NOTCH1: variants seen among roughly 807,000 people sequenced by gnomAD.
The protein encoded by NOTCH1 is neurogenic locus notch homolog protein 1.
Under a neutral mutation model 254.8 loss-of-function variants are expected in NOTCH1, and 37 were observed. The ratio of observed to expected loss-of-function variants is 0.15; its 90% CI spans 0.11 to 0.19. The LOEUF is 0.19. Ranked by LOEUF, NOTCH1 falls within the 10% of genes least tolerant of loss-of-function variation. The pLI, the probability that NOTCH1 is intolerant of heterozygous loss-of-function variation, is 1.00. For missense variants in NOTCH1, 2,972 were observed against 3,708.6 expected (o/e 0.80, Z 5.16); for synonymous variants, 1,731 against 1,618.1 (o/e 1.07, Z -1.68).
At position 136,502,241 on chromosome 9, in the gene NOTCH1, G is replaced by A. The variant is rs757172217; in HGVS notation, c.5384+31C>T. On this transcript the variant is annotated intron_variant, in intron 28 of 33. Transcript: ENST00000651671. ...TCGGCCAGGTCCCACCTCCCACCGG[G>A]GACCCAGAAGCAGGGGCGGCGTCCG... 5 of 1,603,886 alleles carry A rather than the reference G, an allele frequency of 3.1e-6. No homozygotes were observed. The Admixed American group carries it at 8.4e-5, about 27-fold the overall frequency.
rs959455479 is a variant in NOTCH1, at chr9:136,545,234, G to C, written c.61+492C>G. 7.9e-5 allele frequency among the ~76,000 whole-genome samples: 12 copies of C among 152,154 alleles called. No individual in the cohort carries two copies. Among genetic ancestry groups the C allele is most frequent in the African/African-American group, 2.9e-4 (12 of 41,434 alleles). On this transcript the variant is annotated intron_variant, in intron 1 of 33. Coordinates refer to ENST00000651671, the MANE Select transcript of NOTCH1 (RefSeq NM_017617.5). This position sits in a 1 kb window ranked among gnomAD's most constrained non-coding sequence, Gnocchi z 6.8. ...CCCGGGGACCCAGCCCGGCCGCGCG[G>C]GTCAGTGAAGGCGAACGCGGCGCCG... is the stretch of plus-strand genomic sequence containing the variant.
At chr9:136,515,462 G>A in intron 11 of NOTCH1, 21 bp downstream of exon 11, 2 of 1,611,358 alleles carry the variant, frequency 1.2e-6, no homozygotes, top group African/African-American at 1.3e-5. Flanking sequence ...CCCCCCGCCG[G>A]CCACCCGCCT....
At position 136,523,802 on chromosome 9, in the gene NOTCH1, G is replaced by A. The variant is rs1171835842; in HGVS notation, c.318C>T (p.Cys106=). The part of the protein sequence containing the change: ...PLCLTPLDNA[C]LTNPCRNGGT... The stretch of plus-strand genomic sequence containing the variant: ...CCCCGTTGCGGCAGGGGTTGGTGAG[G>A]CAGGCATTGTCCAGGGGTGTCAGGC... Residue 106 remains cysteine (C), a synonymous_variant, in exon 3 of 34, where the codon TGC becomes TGT. Transcript: ENST00000651671. The A allele has an allele frequency of 6.2e-7, 1 of 1,611,788 alleles. No homozygotes were observed. The highest frequency in any genetic ancestry group is 8.5e-7 in the Non-Finnish European group (1 of 1,179,628).
At chr9:136,512,019 C>T (rs1334587004) in intron 15 of NOTCH1, among the ~76,000 whole-genome samples, 3 of 152,244 alleles carry the variant, frequency 2.0e-5, no homozygotes, top group Non-Finnish European at 4.4e-5. Flanking sequence ...TCCAGGGCCT[C>T]TCTTCCTATT....
chr9:136,522,006 C>T (rs1469287595), intron 4 of NOTCH1, among the ~76,000 whole-genome samples: 4 of 144,378 alleles, frequency 2.8e-5, no homozygotes, highest in African/African-American at 1.0e-4. Flanking sequence ...GAGACGGAGT[C>T]TCGCTCTGTC....
intron 6 of NOTCH1, 62 bp downstream of exon 6, chr9:136,518,529 C>T (rs1843314670): frequency 6.8e-7 from 1 of 1,477,702 alleles, no homozygotes; most frequent in East Asian, 2.4e-5. Context: ...TGGGTGAGGT[C>T]ACACAGCTCA....
chr9:136,502,992 C>G (rs1041254562), intron 27 of NOTCH1, 190 bp downstream of exon 27: 7 of 816,148 alleles, frequency 8.6e-6, no homozygotes, highest in Non-Finnish European at 1.4e-5. Flanking sequence ...GTGGCTCCAC[C>G]GGCAGCTGTG....
Position 136,496,135 on chromosome 9 carries a change from C to T in NOTCH1, c.7604G>A (p.Gly2535Asp), listed in dbSNP as rs2133313933. Reference protein sequence around the residue: ...PHSNVSDWSEGVSSPPTSMQS... With the variant: ...PHSNVSDWSEDVSSPPTSMQS... ...CATGCTGGTGGGAGGGCTGGAGACG[C>T]CCTCGGACCAGTCGGAGACGTTGGA... is the stretch of plus-strand genomic sequence containing the variant. Residue 2535 changes from glycine to aspartate, a missense_variant, in exon 34 of 34, where the codon GGC (glycine) becomes GAC (aspartate). By Grantham distance (94) the Gly-to-Asp change is moderately conservative (BLOSUM62 -1). This residue lies in a region of NOTCH1 where 85 missense variants were observed against 126.1 expected (regional missense o/e 0.67). Coordinates refer to ENST00000651671, the MANE Select transcript of NOTCH1 (RefSeq NM_017617.5). 1 of 1,609,712 alleles carries T rather than the reference C, an allele frequency of 6.2e-7. No individual in the cohort carries two copies. Among genetic ancestry groups the T allele is most frequent in the Admixed American group, 1.7e-5 (1 of 59,686 alleles).
chr9:136,528,093 G>A (rs964737755), intron 2 of NOTCH1, among the ~76,000 whole-genome samples: 1 of 151,926 alleles, frequency 6.6e-6, no homozygotes, highest in Non-Finnish European at 1.5e-5. Flanking sequence ...GGGGACAGAA[G>A]ACAGTTCCCT....
chr9:136,514,636 T>G lies in NOTCH1; in HGVS notation c.2081A>C (p.Glu694Ala), dbSNP rs565168282. ...GNPCHNGGTC[E>A]DGINGFTCRC... ...GCAGGTGAAGCCATTGATGCCGTCCTCGCAGGTGCCCCCGTTGTGGCAGGG... is the reference window on the plus strand; with the variant it reads ...GCAGGTGAAGCCATTGATGCCGTCCGCGCAGGTGCCCCCGTTGTGGCAGGG... The change falls in exon 13 of 34, where the codon GAG (glutamate) becomes GCG (alanine). Residue 694 changes from glutamate to alanine, a missense_variant. Physicochemically the swap from Glu to Ala is moderately radical, Grantham distance 107. Coordinates refer to ENST00000651671, the MANE Select transcript of NOTCH1 (RefSeq NM_017617.5). 1 of 1,612,236 alleles carries G rather than the reference T, an allele frequency of 6.2e-7. No individual in the cohort carries two copies. Among genetic ancestry groups the G allele is most frequent in the South Asian group, 1.1e-5 (1 of 90,920 alleles).
Position 136,495,443 on chromosome 9 carries a change from G to A in NOTCH1, c.*628C>T. The A allele has an allele frequency of 5.0e-6, 2 of 399,000 alleles. No homozygotes were observed. Among genetic ancestry groups the A allele is most frequent in the Non-Finnish European group, 8.8e-6 (2 of 226,272 alleles). 24.7% of individuals were successfully genotyped at this position (399,000 alleles called of 1,614,324 possible). A position where few individuals can be genotyped will look rare whatever the true frequency, so the allele number is the denominator to read the frequency against. ...TTGCAAGAAACCATCTAAAACACAT[G>A]GCAACATCTAACCCATATGCTTTCA... On this transcript the variant is annotated 3_prime_UTR_variant, in exon 34 of 34. Coordinates refer to ENST00000651671, the MANE Select transcript of NOTCH1 (RefSeq NM_017617.5).
rs1275008520 is a variant in NOTCH1 at position 136,540,137 on chromosome 9, G to C, written c.140+3887C>G. ...CCAGACAGCTTTACGGGGCTGCCGG[G>C]AGCTATGCCAGGCCACCACCGGGCC... On this transcript the variant is annotated intron_variant, in intron 2 of 33. Coordinates refer to ENST00000651671, the MANE Select transcript of NOTCH1 (RefSeq NM_017617.5). The surrounding 1 kb of genome is among the most constrained non-coding windows in gnomAD (Gnocchi z 4.4). 2.0e-5 allele frequency among the ~76,000 whole-genome samples: 3 copies of C among 152,120 alleles called. No individual in the cohort carries two copies. Among genetic ancestry groups the C allele is most frequent in the Non-Finnish European group, 4.4e-5 (3 of 68,014 alleles).
intron 4 of NOTCH1, among the ~76,000 whole-genome samples, chr9:136,522,375 G>A (rs1564202733): frequency 6.6e-6 from 1 of 152,202 alleles, no homozygotes; most frequent in Non-Finnish European, 1.5e-5. Context: ...TACAACACGG[G>A]GATCGGGGAG....
Position 136,507,316 on chromosome 9 carries a change from C to T in NOTCH1, c.3632G>A (p.Arg1211Gln), listed in dbSNP as rs756362905. Residue 1211 changes from arginine to glutamine, a missense_variant, in exon 22 of 34, where the codon CGG (arginine) becomes CAG (glutamine). Transcript: ENST00000651671. Reference protein sequence around the residue: ...LPNTYKCSCPRGTQGVHCEIN... With the variant: ...LPNTYKCSCPQGTQGVHCEIN... Reference sequence around the variant, plus strand: ...GCAGCGGCCCTTACCCTGAGTGCCCCGTGGGCAGGAGCACTTGTAGGTGTT... The same window carrying T: ...GCAGCGGCCCTTACCCTGAGTGCCCTGTGGGCAGGAGCACTTGTAGGTGTT... The T allele has an allele frequency of 3.3e-5, 53 of 1,612,802 alleles. No homozygotes were observed. The highest frequency in any genetic ancestry group is 4.1e-5 in the Non-Finnish European group (48 of 1,179,944).
Position 136,509,803 on chromosome 9 carries a change from A to T in NOTCH1, c.2899T>A (p.Tyr967Asn), listed in dbSNP as rs1419456641. 12 of 1,613,014 alleles carry T rather than the reference A, an allele frequency of 7.4e-6. No homozygotes were observed. Among genetic ancestry groups the T allele is most frequent in the Non-Finnish European group, 1.0e-5 (12 of 1,180,008 alleles). ...AAGCCTGCGGGGCAGGTGCACGTGT[A>T]GCTGTCCACGCAGTCCGTGCAGTTG... ...GANCTDCVDS[Y>N]TCTCPAGFSG... Residue 967 changes from tyrosine (Y) to asparagine (N), a missense_variant, in exon 18 of 34, where the codon TAC (tyrosine) becomes AAC (asparagine). Physicochemically the swap from Tyr to Asn is moderately radical, Grantham distance 143 (BLOSUM62 -2). Around this residue, in one of 8 missense-constraint regions of NOTCH1, gnomAD observed 1,343 missense variants for 1,557.0 expected, o/e 0.86. Coordinates refer to ENST00000651671, the MANE Select transcript of NOTCH1 (RefSeq NM_017617.5).
In NOTCH1 at chr9:136,495,611, C is replaced by T. The variant is rs908961575; in HGVS notation, c.*460G>A. 7 of 298,516 alleles carry T rather than the reference C, an allele frequency of 2.3e-5. No homozygotes were observed. The highest frequency in any genetic ancestry group is 9.4e-5 in the East Asian group (2 of 21,336). The allele number at this position is 298,516 out of a possible 1,614,324, so 18.5% of individuals were successfully genotyped here. ...GGCTGGCTTGGGGTTGGGTGGGCGT[C>T]GGGGAAAGGGCGCGGCCTGGACGCC... On this transcript the variant is annotated 3_prime_UTR_variant, in exon 34 of 34. Transcript: ENST00000651671.
chr9:136,514,530 G>C lies in NOTCH1; in HGVS notation c.2187C>G (p.Ala729=), dbSNP rs747248107. 8 of 1,591,702 alleles carry C rather than the reference G, an allele frequency of 5.0e-6. No homozygotes were observed. In the South Asian group the frequency reaches 9.1e-5, roughly 18 times the overall value. The change falls in exon 13 of 34, where the codon GCC becomes GCG. Residue 729 remains alanine, a synonymous_variant. Transcript: ENST00000651671. ...CATACCCGTTGAGGCTGTCCCGGCA[G>C]GCCCCGTGGACGCAGGGGTTGCTGT... The part of the protein sequence containing the change: ...ECNSNPCVHG[A]CRDSLNGYKC...
rs1251390063 is a variant in NOTCH1, at chr9:136,533,125, C to T, written c.141-9146G>A. On this transcript the variant is annotated intron_variant, in intron 2 of 33. Transcript: ENST00000651671. Reference sequence around the variant, plus strand: ...AGCCCCGCCCGGCCTCCCCACCTGGCTCTCCGTCAGACAGGAATGAGGCCA... The same window carrying T: ...AGCCCCGCCCGGCCTCCCCACCTGGTTCTCCGTCAGACAGGAATGAGGCCA... Among the ~76,000 whole-genome samples, 2 of 45,082 alleles carry T rather than the reference C, an allele frequency of 4.4e-5. 1 individual carries two copies. Among genetic ancestry groups the T allele is most frequent in the Non-Finnish European group, 7.8e-5 (2 of 25,720 alleles). 29.6% of individuals were successfully genotyped at this position (45,082 alleles called of 152,430 possible). A position where few individuals can be genotyped will look rare whatever the true frequency, so the allele number is the denominator to read the frequency against.
At chr9:136,523,282 G>T in intron 3 of NOTCH1, 94 bp from the exon 4 acceptor site, 1 of 1,279,040 alleles carries the variant, frequency 7.8e-7, no homozygotes, top group Non-Finnish European at 1.1e-6. Flanking sequence ...TGCCAGCCTG[G>T]GCTCCACCTT....
Sources: allele counts gnomAD v4.1 joint callset (sites outside exome capture counted in the v4.1 genomes callset), GRCh38; gene constraint gnomAD v4.1.1; regional missense constraint gnomAD v4.1.1; non-coding constraint Gnocchi (gnomAD v3.1); transcripts MANE v1.5; gene names NCBI Gene and HGNC (gene_info 2026-07-23, HGNC 2026-07-21).